Variants in AOAH observed in about 807,000 individuals in gnomAD.
AOAH encodes the protein acyloxyacyl hydrolase.
Under a neutral mutation model 92.2 loss-of-function variants are expected in AOAH, and 64 were observed. The observed-to-expected ratio is 0.69, with a 90% CI of 0.57 to 0.86. The LOEUF (loss-of-function observed/expected upper bound fraction) is 0.86. Ranked by LOEUF, AOAH falls within the 40% of genes least tolerant of loss-of-function variation. AOAH has a pLI of 0.00. For missense variants in AOAH, 656 were observed against 694.6 expected, an observed-to-expected ratio of 0.94 and a Z score of 0.62; for synonymous variants, 263 against 254.5, an observed-to-expected ratio of 1.03 and a Z score of -0.32.
intron 4 of AOAH, among the ~76,000 whole-genome samples, chr7:36,654,807 G>C (rs924780621): frequency 1.2e-4 from 19 of 152,200 alleles, no homozygotes; most frequent in African/African-American, 4.6e-4. Flanking sequence ...GTGAGGCAGA[G>C]AGCACGGTGA....
intron 11 of AOAH, among the ~76,000 whole-genome samples, chr7:36,612,276 C>T (rs1687874927): frequency 6.6e-6 from 1 of 152,172 alleles, no homozygotes; most frequent in Non-Finnish European, 1.5e-5. Context: ...CACACAGACA[C>T]ACATATATTC....
intron 11 of AOAH, among the ~76,000 whole-genome samples, chr7:36,610,661 CAT>C (rs1791391844): frequency 6.6e-6 from 1 of 152,116 alleles, no homozygotes; most frequent in African/African-American, 2.4e-5. Flanking sequence ...ATATATTTAA[CAT>C]ATATAATTAG....
At chr7:36,517,230 C>CTTTCTTTG (rs1205876365) in intron 20 of AOAH, among the ~76,000 whole-genome samples, 1 of 83,106 alleles carries the variant, frequency 1.2e-5, no homozygotes, top group Non-Finnish European at 2.4e-5. Context: ...CTTTCTGTCT[C>CTTTCTTTG]TCTCTCTCTC....
Position 36,514,126 on chromosome 7 carries a change from T to A in AOAH, c.1600-746A>T, listed in dbSNP as rs182086267. On this transcript the variant is annotated intron_variant, in intron 20 of 20. Coordinates refer to ENST00000617537, the MANE Select transcript of AOAH (RefSeq NM_001637.4). ...ATGACACCACCAAGCCCACAGGGAC[T>A]GGAAAGGGAAGAGGTGTCACTTCTG... is the stretch of plus-strand genomic sequence containing the variant. Among the ~76,000 whole-genome samples the A allele has an allele frequency of 1.5e-4, 23 of 152,166 alleles. No individual in the cohort carries two copies. The East Asian group carries it at 4.4e-3, about 29-fold the overall frequency.
In AOAH at chr7:36,616,336, C is replaced by A. The variant is rs768611262; in HGVS notation, c.846+44G>T. On this transcript the variant is annotated intron_variant, in intron 11 of 20. Transcript: ENST00000617537. Reference sequence around the variant, plus strand: ...TAGAGAGAGCAAGAGGAAACAAAAACAAAGGCCAGCACATCTGGAATGATT... The same window carrying A: ...TAGAGAGAGCAAGAGGAAACAAAAAAAAAGGCCAGCACATCTGGAATGATT... The A allele has an allele frequency of 2.6e-6, 4 of 1,525,528 alleles. No homozygotes were observed. The East Asian group carries it at 6.8e-5, about 26-fold the overall frequency. The allele number at this position is 1,525,528 out of a possible 1,614,324, so 94.5% of individuals were successfully genotyped here.
chr7:36,559,727 G>A (rs760924051), intron 13 of AOAH, among the ~76,000 whole-genome samples: 21 of 152,104 alleles, frequency 1.4e-4, no homozygotes, highest in Non-Finnish European at 2.5e-4. Flanking sequence ...TTGCTGTCCA[G>A]AAGCTCTTTA....
intron 13 of AOAH, among the ~76,000 whole-genome samples, chr7:36,565,625 G>C (rs906604300): frequency 4.6e-5 from 7 of 150,970 alleles, no homozygotes; most frequent in Non-Finnish European, 2.9e-5. Flanking sequence ...CTCTACCTCT[G>C]GGGCTCAAGT....
At position 36,540,508 on chromosome 7, in the gene AOAH, C is replaced by T; in HGVS notation, c.1134-17G>A. ...TCACTCTTCCTGTTGGTGGAATAAA[C>T]AGAAAATATCTTGGTTGATTGTAAG... On this transcript the variant is annotated splice_polypyrimidine_tract_variant and intron_variant, in intron 15 of 20. Transcript: ENST00000617537. 6.3e-7 allele frequency: 1 copy of T among 1,596,316 alleles called. No individual in the cohort carries two copies. The highest frequency in any genetic ancestry group is 8.5e-7 in the Non-Finnish European group (1 of 1,170,926).
chr7:36,572,984 G>A (rs1181152408), intron 13 of AOAH, among the ~76,000 whole-genome samples: 2 of 152,156 alleles, frequency 1.3e-5, no homozygotes, highest in African/African-American at 4.8e-5. Flanking sequence ...GTCACCTTTG[G>A]CAACTGTGCT....
chr7:36,549,373 CAG>C (rs1786026242), intron 14 of AOAH, 64 bp downstream of exon 14: 1 of 1,218,298 alleles, frequency 8.2e-7, no homozygotes, highest in African/African-American at 1.5e-5. Context: ...GGGGTAATAA[CAG>C]AGTTTTCATT....
intron 20 of AOAH, among the ~76,000 whole-genome samples, chr7:36,519,726 G>C (rs1784014825): frequency 6.6e-6 from 1 of 152,212 alleles, no homozygotes; most frequent in Non-Finnish European, 1.5e-5. Context: ...CACCACACCT[G>C]GCCTGAAAAC....
intron 1 of AOAH, among the ~76,000 whole-genome samples, chr7:36,722,988 C>T (rs146886856): frequency 3.9e-4 from 58 of 148,856 alleles, no homozygotes; most frequent in African/African-American, 1.3e-3. Flanking sequence ...GATGCATCTC[C>T]TAACATGTAC....
At chr7:36,721,876 C>T (rs1799653143) in intron 1 of AOAH, among the ~76,000 whole-genome samples, 1 of 152,204 alleles carries the variant, frequency 6.6e-6, no homozygotes, top group Non-Finnish European at 1.5e-5. Flanking sequence ...GTGCCTGTTT[C>T]CAGACCCAAA....
At chr7:36,672,914 T>C (rs1796016487) in intron 3 of AOAH, among the ~76,000 whole-genome samples, 1 of 152,206 alleles carries the variant, frequency 6.6e-6, no homozygotes, top group Non-Finnish European at 1.5e-5. Flanking sequence ...ATGAATGATT[T>C]ATATTTGTAT....
At chr7:36,660,009 ATTC>A (rs1795117214) in intron 3 of AOAH, among the ~76,000 whole-genome samples, 1 of 152,136 alleles carries the variant, frequency 6.6e-6, no homozygotes, top group Non-Finnish European at 1.5e-5. Context: ...ACTTTGTGAC[ATTC>A]TTCTTCTGGA....
chr7:36,666,274 C>T (rs978469691), intron 3 of AOAH, among the ~76,000 whole-genome samples: 1 of 151,948 alleles, frequency 6.6e-6, no homozygotes, highest in Admixed American at 6.6e-5. Context: ...TGTGTTTTGG[C>T]AGTTTGCGTC....
intron 6 of AOAH, among the ~76,000 whole-genome samples, chr7:36,624,069 C>T (rs867262978): frequency 6.6e-6 from 1 of 152,186 alleles, no homozygotes; most frequent in Non-Finnish European, 1.5e-5. Context: ...GGGCATACCC[C>T]AAGTAGAGGA....
At position 36,616,482 on chromosome 7, in the gene AOAH, G is replaced by A. The variant is rs757622452; in HGVS notation, c.752-8C>T. The A allele has an allele frequency of 1.2e-6, 2 of 1,612,052 alleles. No homozygotes were observed. Among genetic ancestry groups the A allele is most frequent in the Non-Finnish European group, 1.7e-6 (2 of 1,178,442 alleles). ...TTCCCCTGGGCTGTGAACCTAGGCA[G>A]CACAATTTATTCACATTATTTATGC... is the stretch of plus-strand genomic sequence containing the variant. On this transcript the variant is annotated splice_polypyrimidine_tract_variant and splice_region_variant and intron_variant, in intron 10 of 20. Transcript: ENST00000617537.
chr7:36,553,907 G>C (rs866549760), intron 13 of AOAH, among the ~76,000 whole-genome samples: 50 of 152,000 alleles, frequency 3.3e-4, no homozygotes, highest in Middle Eastern at 6.8e-3. Context: ...GAGTAGGTTG[G>C]GAAAATTTTC....
Sources: allele counts gnomAD v4.1 joint callset (sites outside exome capture counted in the v4.1 genomes callset), GRCh38; gene constraint gnomAD v4.1.1; transcripts MANE v1.5; gene names NCBI Gene and HGNC (gene_info 2026-07-23, HGNC 2026-07-21).